Variants in RELN observed in about 807,000 individuals in gnomAD.
RELN encodes the protein reelin.
RELN carries 108 observed loss-of-function variants against 427.6 expected under a neutral mutation model. The observed-to-expected ratio is 0.25, with a 90% CI of 0.22 to 0.30. The LOEUF is 0.30. RELN is among the 10% of genes least tolerant of loss of function. RELN has a pLI of 1.00. For missense variants in RELN, 3,715 were observed against 4,302.8 expected, an observed-to-expected ratio of 0.86 and a Z score of 3.82; for synonymous variants, 1,524 against 1,513.4, an observed-to-expected ratio of 1.01 and a Z score of -0.16.
intron 60 of RELN, among the ~76,000 whole-genome samples, chr7:103,487,409 AAAAG>A (rs1158309746): frequency 6.6e-6 from 1 of 151,364 alleles, no homozygotes; most frequent in Non-Finnish European, 1.5e-5. Context: ...TAGAAAAAAA[AAAAG>A]AGAAATATAA....
At chr7:103,960,222 T>G (rs1335369127) in intron 1 of RELN, among the ~76,000 whole-genome samples, 2 of 152,212 alleles carry the variant, frequency 1.3e-5, no homozygotes, top group East Asian at 3.9e-4. Context: ...TCCCCTTCTT[T>G]GCTCACCTTC....
In RELN at chr7:103,540,218, G is replaced by A; in HGVS notation, c.6909C>T (p.Tyr2303=). ...WWQPSENGHF[Y]SPWVIDQILI... ...TGACCTGATCGATAACCCAGGGGCT[G>A]TAGAAGTGCCCATTCTCAGACGGTT... The change falls in exon 44 of 65, where the codon TAC becomes TAT. Residue 2303 remains tyrosine (Y), a synonymous_variant. Coordinates refer to ENST00000428762, the MANE Select transcript of RELN (RefSeq NM_005045.4). The A allele has an allele frequency of 6.2e-7, 1 of 1,614,178 alleles. No homozygotes were observed. Among genetic ancestry groups the A allele is most frequent in the East Asian group, 2.2e-5 (1 of 44,884 alleles).
At chr7:103,504,702 G>C (rs1328056753) in intron 51 of RELN, among the ~76,000 whole-genome samples, 1 of 152,204 alleles carries the variant, frequency 6.6e-6, no homozygotes, top group Non-Finnish European at 1.5e-5. Context: ...GGGAGGAACA[G>C]TGCAATCTGG....
chr7:103,542,905 C>T (rs548910337), intron 42 of RELN, 27 bp from the exon 43 acceptor site: 2 of 1,610,558 alleles, frequency 1.2e-6, no homozygotes, highest in Non-Finnish European at 1.7e-6. Flanking sequence ...ATATGGTTTA[C>T]CTATGACCCC....
intron 2 of RELN, among the ~76,000 whole-genome samples, chr7:103,870,371 T>C (rs1172521555): frequency 6.6e-6 from 1 of 152,022 alleles, no homozygotes; most frequent in African/African-American, 2.4e-5. Flanking sequence ...GAGTTTTGAT[T>C]ACTTTTTGGC....
At position 103,495,885 on chromosome 7, in the gene RELN, A is replaced by G. The variant is rs2117018805; in HGVS notation, c.9207T>C (p.His3069=). 2 of 1,613,722 alleles carry G rather than the reference A, an allele frequency of 1.2e-6. No individual in the cohort carries two copies. The highest frequency in any genetic ancestry group is 4.5e-5 in the East Asian group (2 of 44,864). The part of the protein sequence containing the change: ...VDTFDDEGTS[H]EENWSFYPNA... ...TAGGGTAAAAACTCCAGTTTTCTTC[A>G]TGGGAAGTGCCTTCTGTTAAGGAAA... The change falls in exon 57 of 65, where the codon CAT becomes CAC. Residue 3069 remains histidine (H), a synonymous_variant. Coordinates refer to ENST00000428762, the MANE Select transcript of RELN (RefSeq NM_005045.4).
At chr7:103,650,429 T>G (rs775197175) in intron 15 of RELN, 46 bp from the exon 16 acceptor site, 1 of 1,124,354 alleles carries the variant, frequency 8.9e-7, no homozygotes, top group Non-Finnish European at 1.4e-6. Context: ...TATGTTCATA[T>G]CTTTAGAATC....
Position 103,824,627 on chromosome 7 carries a change from AGTGTGTGTGTGTGTGTGTGTGTGTGT to A in RELN, c.473+8884_473+8909del, listed in dbSNP as rs368098458. Reference sequence around the variant, plus strand: ...GTGTTTTCACTTTCTTTCAAAACAGAGTGTGTGTGTGTGTGTGTGTGTGTGTGTGTGTGTGTGTGTGTGTGTGTTTG... The same window carrying A: ...GTGTTTTCACTTTCTTTCAAAACAGAGTGTGTGTGTGTGTGTGTGTGTTTG... On this transcript the variant is annotated intron_variant, in intron 3 of 64. Coordinates refer to ENST00000428762, the MANE Select transcript of RELN (RefSeq NM_005045.4). The surrounding 1 kb of genome is among the most constrained non-coding windows in gnomAD (Gnocchi z 4.4). 2.3e-5 allele frequency among the ~76,000 whole-genome samples: 3 copies of A among 130,970 alleles called. No homozygotes were observed. The Admixed American group carries it at 2.4e-4, about 10-fold the overall frequency. 85.9% of individuals were successfully genotyped at this position (130,970 alleles called of 152,430 possible).
Position 103,953,397 on chromosome 7 carries a change from C to T in RELN, c.226+35734G>A, listed in dbSNP as rs117143704. On this transcript the variant is annotated intron_variant, in intron 1 of 64. Transcript: ENST00000428762. This position sits in a 1 kb window ranked among gnomAD's most constrained non-coding sequence, Gnocchi z 4.3. The stretch of plus-strand genomic sequence containing the variant: ...AGAAGACTCAAGACAACTCAGATAA[C>T]GTGATTCAATCACTTGTAACATTCA... Among the ~76,000 whole-genome samples the T allele has an allele frequency of 0.019, 2,846 of 152,270 alleles. 49 individuals carry two copies. The highest frequency in any genetic ancestry group is 0.054 in the Middle Eastern group (16 of 294).
At position 103,563,210 on chromosome 7, in the gene RELN, A is replaced by G. The variant is rs1830677382; in HGVS notation, c.5211-1257T>C. Among the ~76,000 whole-genome samples the G allele has an allele frequency of 6.6e-6, 1 of 152,186 alleles. No individual in the cohort carries two copies. The highest frequency in any genetic ancestry group is 2.1e-4 in the South Asian group (1 of 4,830). The stretch of plus-strand genomic sequence containing the variant: ...GCTGCTTAGAGGTTTGTTATCCTAA[A>G]TACAGTGATGTGCTGCATAATGACG... On this transcript the variant is annotated intron_variant, in intron 34 of 64. Coordinates refer to ENST00000428762, the MANE Select transcript of RELN (RefSeq NM_005045.4). This position sits in a 1 kb window ranked among gnomAD's most constrained non-coding sequence, Gnocchi z 4.1.
At chr7:103,856,553 G>C (rs1221387812) in intron 2 of RELN, among the ~76,000 whole-genome samples, 1 of 108,738 alleles carries the variant, frequency 9.2e-6, no homozygotes, top group Non-Finnish European at 1.8e-5. Flanking sequence ...TGGGCAACAA[G>C]AGTCAAACTC....
chr7:103,716,921 A>G lies in RELN; in HGVS notation c.805+6219T>C, dbSNP rs146023349. 9.8e-3 allele frequency among the ~76,000 whole-genome samples: 1,486 copies of G among 152,266 alleles called. 19 individuals are homozygous for G. The highest frequency in any genetic ancestry group is 0.034 in the African/African-American group (1,419 of 41,548). On this transcript the variant is annotated intron_variant, in intron 8 of 64. Transcript: ENST00000428762. ...TTGAGAGACCATTTGGTCTACATCA[A>G]TAATGAATTTCTTCTCATCCTGTAG... is the stretch of plus-strand genomic sequence containing the variant.
At chr7:103,883,380 G>A (rs1794651183) in intron 2 of RELN, among the ~76,000 whole-genome samples, 1 of 152,208 alleles carries the variant, frequency 6.6e-6, no homozygotes, top group Non-Finnish European at 1.5e-5. Context: ...CGCAAGACAA[G>A]GATGCCCTCT....
At chr7:103,846,721 A>C (rs1390681916) in intron 2 of RELN, among the ~76,000 whole-genome samples, 4 of 152,262 alleles carry the variant, frequency 2.6e-5, no homozygotes, top group African/African-American at 9.6e-5. Context: ...GAACTTAAAC[A>C]AATTTACAAG....
rs376360223 is a variant in RELN, at chr7:103,523,483, C to T, written c.7398G>A (p.Lys2466=). 1.7e-5 allele frequency: 28 copies of T among 1,613,882 alleles called. No individual in the cohort carries two copies. Among genetic ancestry groups the T allele is most frequent in the East Asian group, 4.5e-5 (2 of 44,864 alleles). The change falls in exon 47 of 65, where the codon AAG becomes AAA. Residue 2466 remains lysine, a synonymous_variant. Coordinates refer to ENST00000428762, the MANE Select transcript of RELN (RefSeq NM_005045.4). ...CATTATCTATTGCCCATGTCTGCTG[C>T]TTGTCAAAAGGAGCTGGTTGATGCC... The part of the protein sequence containing the change: ...FRWHQPAPFD[K]QQTWAIDNVY...
Position 103,573,048 on chromosome 7 carries a change from C to T in RELN, c.4512-788G>A, listed in dbSNP as rs2117202886. ...CTGCCTCTTGGGCCCAAGCGATCCTCCTGCCTCAGCCTCCTGAGTAGCTGG... is the reference window on the plus strand; with the variant it reads ...CTGCCTCTTGGGCCCAAGCGATCCTTCTGCCTCAGCCTCCTGAGTAGCTGG... On this transcript the variant is annotated intron_variant, in intron 30 of 64. Transcript: ENST00000428762. This position sits in a 1 kb window ranked among gnomAD's most constrained non-coding sequence, Gnocchi z 4.4. 6.6e-6 allele frequency among the ~76,000 whole-genome samples: 1 copy of T among 152,300 alleles called. No homozygotes were observed. Among genetic ancestry groups the T allele is most frequent in the South Asian group, 2.1e-4 (1 of 4,826 alleles).
At chr7:103,857,701 C>G (rs1245555616) in intron 2 of RELN, among the ~76,000 whole-genome samples, 1 of 152,202 alleles carries the variant, frequency 6.6e-6, no homozygotes, top group East Asian at 1.9e-4. Flanking sequence ...AGATGATTTA[C>G]AGCTGACATC....
chr7:103,619,582 T>A (rs1421761250), intron 20 of RELN, among the ~76,000 whole-genome samples: 3 of 152,234 alleles, frequency 2.0e-5, no homozygotes, highest in Non-Finnish European at 4.4e-5. Context: ...CTGTCAAGTT[T>A]ATGTTAATGA....
intron 8 of RELN, among the ~76,000 whole-genome samples, chr7:103,717,927 C>T (rs987944344): frequency 6.6e-6 from 1 of 152,138 alleles, no homozygotes; most frequent in African/African-American, 2.4e-5. Context: ...AATTTCTCTA[C>T]TGAATCAAGT....
Sources: gnomAD v4.1 joint callset for allele counts (sites outside exome capture counted in the v4.1 genomes callset) on GRCh38, gnomAD v4.1.1 for gene constraint, Gnocchi (gnomAD v3.1) non-coding constraint, MANE v1.5 for transcripts, NCBI Gene and HGNC (gene_info 2026-07-23, HGNC 2026-07-21) for gene names.